Variants in ZFPM2 observed in about 807,000 individuals in gnomAD.
ZFPM2 encodes the protein zinc finger protein, FOG family member 2.
A neutral mutation model predicts 98.6 loss-of-function variants in ZFPM2; 20 were observed. The observed-to-expected ratio is 0.20, with a 90% CI of 0.14 to 0.29. ZFPM2 has a LOEUF of 0.29. ZFPM2 is among the 10% of genes least tolerant of loss of function. The probability of loss-of-function intolerance (pLI) is 1.00; values close to 1 mark genes in which losing one functional copy is unlikely to be tolerated. For missense variants in ZFPM2, 1,310 were observed against 1,388.6 expected, an observed-to-expected ratio of 0.94 and a Z score of 0.90; for synonymous variants, 518 against 502.7, an observed-to-expected ratio of 1.03 and a Z score of -0.41.
At chr8:105,652,294 T>TTTTTTTTGAGACGGAGTCTCGCTCTGTC (rs1554569710) in intron 5 of ZFPM2, among the ~76,000 whole-genome samples, 1 of 134,272 alleles carries the variant, frequency 7.4e-6, no homozygotes, top group Non-Finnish European at 1.6e-5. Context: ...AGCCCATTTT[T>TTTTTTTTGAGACGGAGTCTCGCTCTGTC]GAAGCCTATT....
At chr8:105,498,408 G>T (rs1428457924) in intron 3 of ZFPM2, among the ~76,000 whole-genome samples, 1 of 152,152 alleles carries the variant, frequency 6.6e-6, no homozygotes, top group Non-Finnish European at 1.5e-5. Context: ...CACCTACAAT[G>T]TGGCTAGTGT....
chr8:105,423,612 C>T (rs1563651914), intron 2 of ZFPM2, among the ~76,000 whole-genome samples: 1 of 152,032 alleles, frequency 6.6e-6, no homozygotes, highest in Non-Finnish European at 1.5e-5. Flanking sequence ...TACATATTTC[C>T]TGTGGTACTG....
chr8:105,591,273 C>A (rs1204566953), intron 4 of ZFPM2, among the ~76,000 whole-genome samples: 3 of 149,706 alleles, frequency 2.0e-5, no homozygotes, highest in Non-Finnish European at 4.5e-5. Context: ...ACAACAACAA[C>A]AAAAAACCAA....
chr8:105,757,148 G>C (rs1812620287), intron 5 of ZFPM2, among the ~76,000 whole-genome samples: 1 of 152,034 alleles, frequency 6.6e-6, no homozygotes. Flanking sequence ...TTTTTATTAT[G>C]TTACAACTTT....
intron 6 of ZFPM2, among the ~76,000 whole-genome samples, chr8:105,791,664 G>T (rs1334710941): frequency 6.6e-6 from 1 of 152,164 alleles, no homozygotes; most frequent in African/African-American, 2.4e-5. Flanking sequence ...CAGAAGGAAT[G>T]GTACCAGTTC....
At chr8:105,728,284 A>G (rs1394994157) in intron 5 of ZFPM2, among the ~76,000 whole-genome samples, 1 of 149,090 alleles carries the variant, frequency 6.7e-6, no homozygotes, top group East Asian at 2.1e-4. Flanking sequence ...CTTGATATAA[A>G]TGTCTGTATC....
intron 3 of ZFPM2, among the ~76,000 whole-genome samples, chr8:105,481,918 A>C (rs1212257925): frequency 6.6e-6 from 1 of 152,224 alleles, no homozygotes; most frequent in African/African-American, 2.4e-5. Context: ...AATAATAAGA[A>C]AAATCCCAAT....
At chr8:105,402,534 G>C (rs752489978) in intron 1 of ZFPM2, among the ~76,000 whole-genome samples, 17 of 151,816 alleles carry the variant, frequency 1.1e-4, no homozygotes, top group Admixed American at 2.0e-4. Flanking sequence ...GAATAAAAAT[G>C]GGATCCTTTG....
chr8:105,499,541 G>C (rs992305937), intron 3 of ZFPM2, among the ~76,000 whole-genome samples: 1 of 152,154 alleles, frequency 6.6e-6, no homozygotes, highest in African/African-American at 2.4e-5. Flanking sequence ...GTATCTGAAC[G>C]TGAAGGAGGA....
chr8:105,353,999 A>G (rs1812694958), intron 1 of ZFPM2, among the ~76,000 whole-genome samples: 1 of 152,200 alleles, frequency 6.6e-6, no homozygotes, highest in African/African-American at 2.4e-5. Flanking sequence ...CACTTCCTGG[A>G]TCATCGTTGT....
chr8:105,424,491 T>C (rs189378061), intron 2 of ZFPM2, among the ~76,000 whole-genome samples: 6 of 152,154 alleles, frequency 3.9e-5, no homozygotes, highest in Non-Finnish European at 7.4e-5. Flanking sequence ...AGGAAAGATA[T>C]ATGGTGTAAC....
chr8:105,612,393 A>G (rs1318887194), intron 4 of ZFPM2, among the ~76,000 whole-genome samples: 3 of 152,144 alleles, frequency 2.0e-5, no homozygotes, highest in Admixed American at 6.5e-5. Flanking sequence ...AAAAATGCCC[A>G]TAAATATTGA....
intron 2 of ZFPM2, among the ~76,000 whole-genome samples, chr8:105,428,363 C>T (rs1212460466): frequency 6.6e-6 from 1 of 152,208 alleles, no homozygotes; most frequent in Admixed American, 6.5e-5. Flanking sequence ...TCTTTAAAGA[C>T]TGTCAGTATA....
intron 3 of ZFPM2, among the ~76,000 whole-genome samples, chr8:105,452,788 A>C (rs1812514107): frequency 6.6e-6 from 1 of 151,416 alleles, no homozygotes; most frequent in Admixed American, 6.6e-5. Flanking sequence ...AAAACGACAA[A>C]CAAACAAAAT....
At chr8:105,494,421 A>G (rs1813420962) in intron 3 of ZFPM2, among the ~76,000 whole-genome samples, 1 of 151,094 alleles carries the variant, frequency 6.6e-6, no homozygotes, top group Non-Finnish European at 1.5e-5. Context: ...CCTCTCTTGT[A>G]TCTGTCTCTA....
intron 3 of ZFPM2, among the ~76,000 whole-genome samples, chr8:105,543,120 G>T (rs998886021): frequency 9.9e-5 from 15 of 152,152 alleles, no homozygotes; most frequent in African/African-American, 3.6e-4. Flanking sequence ...GCATTTCCAT[G>T]ATGAGAAGTT....
intron 2 of ZFPM2, among the ~76,000 whole-genome samples, chr8:105,420,870 ATGGATTTATACCTT>A (rs370668858): frequency 1.3e-5 from 2 of 152,280 alleles, no homozygotes; most frequent in African/African-American, 4.8e-5. Context: ...GAGTTAACGT[ATGGATTTATACCTT>A]TTGTCAATTT....
intron 4 of ZFPM2, among the ~76,000 whole-genome samples, chr8:105,624,676 A>G (rs1816617782): frequency 6.6e-6 from 1 of 152,170 alleles, no homozygotes; most frequent in South Asian, 2.1e-4. Context: ...TTAATAGCCC[A>G]TATCTGTAGA....
intron 5 of ZFPM2, among the ~76,000 whole-genome samples, chr8:105,745,812 T>G (rs1022856586): frequency 3.9e-5 from 6 of 152,168 alleles, no homozygotes; most frequent in Non-Finnish European, 7.4e-5. Flanking sequence ...CAGGCTGGAG[T>G]GCAGCGGTGC....
Sources: allele counts gnomAD v4.1 joint callset (sites outside exome capture counted in the v4.1 genomes callset), GRCh38; gene constraint gnomAD v4.1.1; transcripts MANE v1.5; gene names NCBI Gene and HGNC (gene_info 2026-07-23, HGNC 2026-07-21).